GFOD1: variants seen among roughly 807,000 people sequenced by gnomAD.
The protein encoded by GFOD1 is glucose-fructose oxidoreductase domain-containing protein 1.
Under a neutral mutation model 25.4 loss-of-function variants are expected in GFOD1, and 9 were observed. The ratio of observed to expected loss-of-function variants is 0.35; its 90% CI spans 0.21 to 0.62. The LOEUF (loss-of-function observed/expected upper bound fraction) is 0.62. Ranked by LOEUF, GFOD1 falls within the 20% of genes least tolerant of loss-of-function variation. The pLI is 0.72. For missense variants in GFOD1, 403 were observed against 556.9 expected, an observed-to-expected ratio of 0.72 and a Z score of 2.78; for synonymous variants, 253 against 245.6, an observed-to-expected ratio of 1.03 and a Z score of -0.28.
At chr6:13,447,211 T>C (rs1398432861) in intron 1 of GFOD1, among the ~76,000 whole-genome samples, 1 of 152,194 alleles carries the variant, frequency 6.6e-6, no homozygotes, top group Non-Finnish European at 1.5e-5. Context: ...GGATGCTTCT[T>C]AAGGTTGTAA....
At chr6:13,369,040 C>T (rs1180087886) in intron 1 of GFOD1, among the ~76,000 whole-genome samples, 2 of 152,176 alleles carry the variant, frequency 1.3e-5, no homozygotes, top group East Asian at 3.9e-4. Flanking sequence ...ACTGCAATTA[C>T]TTTTGCACCA....
chr6:13,463,259 A>C (rs571537114), intron 1 of GFOD1, among the ~76,000 whole-genome samples: 201 of 152,258 alleles, frequency 1.3e-3, no homozygotes, highest in Non-Finnish European at 1.8e-3. Context: ...CAGTTTACAG[A>C]TGCTGCACTT....
rs771997138 is a variant in GFOD1 at position 13,365,115 on chromosome 6, C to A, written c.801G>T (p.Gly267=). Residue 267 remains glycine, a synonymous_variant, in exon 2 of 2, where the codon GGG becomes GGT. Coordinates refer to ENST00000379287, the MANE Select transcript of GFOD1 (RefSeq NM_018988.4). This position sits in a 1 kb window ranked among gnomAD's most constrained non-coding sequence, Gnocchi z 9.2. ...RLLAVGTDLY[G]QRNSAPEQEL... ...CCTGCTCCGGGGCGCTGTTGCGCTG[C>A]CCGTACAGGTCGGTGCCCACGGCCA... 1 of 1,612,740 alleles carries A rather than the reference C, an allele frequency of 6.2e-7. No individual in the cohort carries two copies.
chr6:13,474,809 T>G (rs1758580468), intron 1 of GFOD1, among the ~76,000 whole-genome samples: 1 of 152,214 alleles, frequency 6.6e-6, no homozygotes, highest in African/African-American at 2.4e-5. Flanking sequence ...GAAATGCCCC[T>G]GGCAGAGGGT....
intron 1 of GFOD1, among the ~76,000 whole-genome samples, chr6:13,374,098 C>T (rs368066036): frequency 1.2e-4 from 18 of 152,242 alleles, no homozygotes; most frequent in African/African-American, 4.1e-4. Flanking sequence ...TTTTAGTCTA[C>T]ACAACCAGGT....
At chr6:13,390,785 AAGGAAGGAAGGAAGGAAGG>A (rs1785584293) in intron 1 of GFOD1, among the ~76,000 whole-genome samples, 2 of 117,652 alleles carry the variant, frequency 1.7e-5, no homozygotes, top group Non-Finnish European at 1.8e-5. Context: ...GAGAGAAAGG[AAGGAAGGAAGGAAGGAAGG>A]AAGGAAGGAA....
intron 1 of GFOD1, among the ~76,000 whole-genome samples, chr6:13,479,971 T>C (rs1430058818): frequency 6.6e-6 from 1 of 152,160 alleles, no homozygotes; most frequent in African/African-American, 2.4e-5. Flanking sequence ...CAAGTCCAAG[T>C]GCATCATGAG....
chr6:13,462,406 A>G (rs1276851875), intron 1 of GFOD1, among the ~76,000 whole-genome samples: 1 of 152,212 alleles, frequency 6.6e-6, no homozygotes, highest in African/African-American at 2.4e-5. Flanking sequence ...TCAGAGCCAC[A>G]AGGAATTGTC....
At chr6:13,465,201 A>T (rs1335302682) in intron 1 of GFOD1, among the ~76,000 whole-genome samples, 2 of 141,460 alleles carry the variant, frequency 1.4e-5, no homozygotes, top group Non-Finnish European at 3.1e-5. Flanking sequence ...CACATACAAA[A>T]TACAACAATA....
intron 1 of GFOD1, among the ~76,000 whole-genome samples, chr6:13,425,134 T>G (rs1786330423): frequency 6.6e-6 from 1 of 151,698 alleles, no homozygotes; most frequent in Non-Finnish European, 1.5e-5. Context: ...AATTTTTTGT[T>G]TATTTTGTAG....
chr6:13,450,038 G>A (rs773751588), intron 1 of GFOD1, among the ~76,000 whole-genome samples: 2 of 152,134 alleles, frequency 1.3e-5, no homozygotes, highest in Non-Finnish European at 2.9e-5. Context: ...TCCGAAGAAC[G>A]CTGCCAGAGC....
chr6:13,364,584 A>T lies in GFOD1; in HGVS notation c.*159T>A. On this transcript the variant is annotated 3_prime_UTR_variant, in exon 2 of 2. Transcript: ENST00000379287. This position sits in a 1 kb window ranked among gnomAD's most constrained non-coding sequence, Gnocchi z 4.1. Reference sequence around the variant, plus strand: ...CCAACAGTCTGGTTTGGGGTCGGTCACCGGGATTGGAGTTTACCTTCCTAG... The same window carrying T: ...CCAACAGTCTGGTTTGGGGTCGGTCTCCGGGATTGGAGTTTACCTTCCTAG... 1.5e-6 allele frequency: 1 copy of T among 652,790 alleles called. No homozygotes were observed. 40.4% of individuals were successfully genotyped at this position (652,790 alleles called of 1,614,324 possible).
chr6:13,391,511 C>CAAAAAAAAAAAAAAAAAAAAAAAA (rs57340590), intron 1 of GFOD1, among the ~76,000 whole-genome samples: 2 of 108,668 alleles, frequency 1.8e-5, no homozygotes, highest in African/African-American at 3.5e-5. Context: ...AACAAACAAA[C>CAAAAAAAAAAAAAAAAAAAAAAAA]AAAAAAAAAA....
intron 1 of GFOD1, among the ~76,000 whole-genome samples, chr6:13,382,001 T>G (rs1272788462): frequency 6.6e-6 from 1 of 151,926 alleles, no homozygotes; most frequent in African/African-American, 2.4e-5. Flanking sequence ...TGCGAAGTGC[T>G]TTGTAGGAAT....
chr6:13,472,989 G>A (rs1048077024), intron 1 of GFOD1, among the ~76,000 whole-genome samples: 1 of 152,138 alleles, frequency 6.6e-6, no homozygotes, highest in Non-Finnish European at 1.5e-5. Flanking sequence ...TCATTTCCAT[G>A]AGCTCTCACT....
At chr6:13,397,747 G>A (rs955603079) in intron 1 of GFOD1, among the ~76,000 whole-genome samples, 4 of 152,184 alleles carry the variant, frequency 2.6e-5, no homozygotes, top group Admixed American at 6.5e-5. Flanking sequence ...GGGCATACCC[G>A]GAATAACACA....
At chr6:13,400,495 G>C (rs771036426) in intron 1 of GFOD1, among the ~76,000 whole-genome samples, 4 of 152,208 alleles carry the variant, frequency 2.6e-5, no homozygotes, top group Admixed American at 6.5e-5. Context: ...TCTTAGCAGG[G>C]ATCAGGAAAA....
chr6:13,436,966 C>G (rs1169028472), intron 1 of GFOD1, among the ~76,000 whole-genome samples: 2 of 152,236 alleles, frequency 1.3e-5, no homozygotes, highest in South Asian at 2.1e-4. Flanking sequence ...CCAGGCCAAG[C>G]TGCTGGTCCA....
rs79421197 is a variant in GFOD1 at position 13,381,488 on chromosome 6, G to A, written c.254-15826C>T. Among the ~76,000 whole-genome samples, 3 of 152,332 alleles carry A rather than the reference G, an allele frequency of 2.0e-5. 1 individual carries two copies. In the South Asian group the frequency reaches 6.2e-4, roughly 32 times the overall value. On this transcript the variant is annotated intron_variant, in intron 1 of 1. Coordinates refer to ENST00000379287, the MANE Select transcript of GFOD1 (RefSeq NM_018988.4). Reference sequence around the variant, plus strand: ...AAAAGGGTCCCAGCGGAGCTGAAAAGGTTCCCTTCTACATCCTGGGGATGC... The same window carrying A: ...AAAAGGGTCCCAGCGGAGCTGAAAAAGTTCCCTTCTACATCCTGGGGATGC...
Sources: allele counts gnomAD v4.1 joint callset (sites outside exome capture counted in the v4.1 genomes callset), GRCh38; gene constraint gnomAD v4.1.1; non-coding constraint Gnocchi (gnomAD v3.1); transcripts MANE v1.5; gene names NCBI Gene and HGNC (gene_info 2026-07-23, HGNC 2026-07-21).